CPPED1: variants seen among roughly 807,000 people sequenced by gnomAD.
The protein encoded by CPPED1 is calcineurin like phosphoesterase domain containing 1.
Under a neutral mutation model 28.0 loss-of-function variants are expected in CPPED1, and 28 were observed. The ratio of observed to expected loss-of-function variants is 1.00; its 90% CI spans 0.74 to 1.37. The LOEUF (loss-of-function observed/expected upper bound fraction) is 1.37, where lower values mean the gene tolerates loss of function less well. Among genes scored for constraint, CPPED1 ranks in the 40% most tolerant of loss-of-function variants. The probability of loss-of-function intolerance (pLI) is 0.00; values close to 1 mark genes in which losing one functional copy is unlikely to be tolerated. For synonymous variants in CPPED1, 198 were observed against 180.2 expected (o/e 1.10, Z -0.79); for missense variants, 504 against 416.5 (o/e 1.21, Z -1.83).
intron 2 of CPPED1, among the ~76,000 whole-genome samples, chr16:12,717,964 A>G (rs959964969): frequency 1.3e-5 from 2 of 152,102 alleles, no homozygotes; most frequent in African/African-American, 4.8e-5. Context: ...TTTCTTATCA[A>G]ATTTACCCTT....
intron 2 of CPPED1, among the ~76,000 whole-genome samples, chr16:12,772,104 C>T (rs189338074): frequency 8.2e-4 from 124 of 152,052 alleles, no homozygotes; most frequent in African/African-American, 2.9e-3. Flanking sequence ...GCCTGGGCAA[C>T]AGAACAAGAC....
At chr16:12,786,505 C>G (rs1263362834) in intron 1 of CPPED1, among the ~76,000 whole-genome samples, 1 of 152,142 alleles carries the variant, frequency 6.6e-6, no homozygotes, top group East Asian at 1.9e-4. Flanking sequence ...TGTTAGGTCT[C>G]TGCCTATGTA....
chr16:12,714,099 CTA>C (rs2080094097), intron 2 of CPPED1, among the ~76,000 whole-genome samples: 1 of 152,130 alleles, frequency 6.6e-6, no homozygotes. Context: ...ATTTTGTAGC[CTA>C]TGTTAGTGCT....
intron 2 of CPPED1, among the ~76,000 whole-genome samples, chr16:12,731,014 G>C (rs1405213031): frequency 6.6e-6 from 1 of 152,134 alleles, no homozygotes; most frequent in Non-Finnish European, 1.5e-5. Flanking sequence ...CACCCTGGCA[G>C]AAGATGGGAC....
At chr16:12,671,141 G>A (rs992327360) in intron 3 of CPPED1, among the ~76,000 whole-genome samples, 4 of 152,160 alleles carry the variant, frequency 2.6e-5, no homozygotes, top group Non-Finnish European at 5.9e-5. Flanking sequence ...GTGAGCCATC[G>A]CGTCTGGCTG....
At chr16:12,679,638 A>T (rs377599470) in intron 3 of CPPED1, among the ~76,000 whole-genome samples, 22 of 152,236 alleles carry the variant, frequency 1.4e-4, no homozygotes, top group African/African-American at 5.1e-4. Flanking sequence ...TCGACAATGT[A>T]TCTTTTACTT....
chr16:12,786,845 G>A (rs2080566453), intron 1 of CPPED1, among the ~76,000 whole-genome samples: 1 of 152,196 alleles, frequency 6.6e-6, no homozygotes, highest in Non-Finnish European at 1.5e-5. Flanking sequence ...CTGGGAGGTG[G>A]AGGTTGCAGT....
At position 12,722,824 on chromosome 16, in the gene CPPED1, C is replaced by T. The variant is rs566429480; in HGVS notation, c.290-17775G>A. Among the ~76,000 whole-genome samples the T allele has an allele frequency of 3.9e-5, 6 of 152,284 alleles. No individual in the cohort carries two copies. The South Asian group carries it at 8.3e-4, about 21-fold the overall frequency. On this transcript the variant is annotated intron_variant, in intron 2 of 3. Transcript: ENST00000381774. Reference sequence around the variant, plus strand: ...GGGATTCTAGCCACTGGCTTTCCCACGGACCCCAAGGCTGGGTGGTGCAGT... The same window carrying T: ...GGGATTCTAGCCACTGGCTTTCCCATGGACCCCAAGGCTGGGTGGTGCAGT...
At position 12,664,969 on chromosome 16, in the gene CPPED1, T is replaced by C. The variant is rs778672073; in HGVS notation, c.862A>G (p.Ile288Val). ...LRVVVVTAEK[I>V]VHRYYSLDEL... ...TCTAGACTGTAGTATCGGTGAACAA[T>C]TTTCTCGGCGGTGACCACCACGACT... The change falls in exon 4 of 4, where the codon ATT (isoleucine) becomes GTT (valine). Residue 288 changes from isoleucine to valine, a missense_variant. Physicochemically the swap from Ile to Val is conservative, Grantham distance 29 (BLOSUM62 3). Transcript: ENST00000381774. This position sits in a 1 kb window ranked among gnomAD's most constrained non-coding sequence, Gnocchi z 4.2. The C allele has an allele frequency of 2.5e-6, 4 of 1,611,272 alleles. No individual in the cohort carries two copies. In the East Asian group the frequency reaches 8.9e-5, roughly 36 times the overall value.
intron 3 of CPPED1, among the ~76,000 whole-genome samples, chr16:12,679,544 G>T (rs1247977225): frequency 6.6e-6 from 1 of 152,088 alleles, no homozygotes; most frequent in Non-Finnish European, 1.5e-5. Context: ...GTTAGATATA[G>T]ATCTAAAGAA....
chr16:12,724,918 C>T (rs949311293), intron 2 of CPPED1, among the ~76,000 whole-genome samples: 1 of 151,988 alleles, frequency 6.6e-6, no homozygotes, highest in Non-Finnish European at 1.5e-5. Flanking sequence ...TCCCGAGTAG[C>T]TGGGACTACA....
At chr16:12,693,201 C>T (rs1567277717) in intron 3 of CPPED1, among the ~76,000 whole-genome samples, 1 of 152,102 alleles carries the variant, frequency 6.6e-6, no homozygotes, top group Non-Finnish European at 1.5e-5. Flanking sequence ...GGAGGCTTCA[C>T]CTAAATGAGT....
chr16:12,700,137 C>T (rs984398218), intron 3 of CPPED1, among the ~76,000 whole-genome samples: 9 of 152,172 alleles, frequency 5.9e-5, no homozygotes, highest in African/African-American at 1.2e-4. Flanking sequence ...TGGCAGGCCA[C>T]GGAAACTGAC....
chr16:12,686,429 G>A (rs185006255), intron 3 of CPPED1, among the ~76,000 whole-genome samples: 3 of 152,254 alleles, frequency 2.0e-5, no homozygotes, highest in African/African-American at 7.2e-5. Context: ...AAATAACAGA[G>A]TTCCCCTGCT....
At chr16:12,731,243 C>A (rs1455726524) in intron 2 of CPPED1, among the ~76,000 whole-genome samples, 1 of 151,414 alleles carries the variant, frequency 6.6e-6, no homozygotes, top group Non-Finnish European at 1.5e-5. Flanking sequence ...AAGCTCCACC[C>A]CCCGGGTTCA....
intron 3 of CPPED1, among the ~76,000 whole-genome samples, chr16:12,666,353 G>C (rs773509088): frequency 2.6e-5 from 4 of 152,140 alleles, no homozygotes; most frequent in Admixed American, 1.3e-4. Context: ...GCTCTTAGAA[G>C]ATCATAGAGA....
At chr16:12,732,311 G>A (rs1250323086) in intron 2 of CPPED1, among the ~76,000 whole-genome samples, 1 of 150,478 alleles carries the variant, frequency 6.6e-6, no homozygotes, top group African/African-American at 2.4e-5. Context: ...AGAAGATAAG[G>A]TGAGGAATCA....
chr16:12,765,179 C>G (rs773120579), intron 2 of CPPED1, among the ~76,000 whole-genome samples: 1 of 152,238 alleles, frequency 6.6e-6, no homozygotes, highest in Non-Finnish European at 1.5e-5. Flanking sequence ...TGTTCATTAT[C>G]TCTTCCTAAT....
chr16:12,741,662 T>G (rs776502429), intron 2 of CPPED1, among the ~76,000 whole-genome samples: 21 of 152,198 alleles, frequency 1.4e-4, no homozygotes, highest in Non-Finnish European at 2.5e-4. Flanking sequence ...GGCTCACAGT[T>G]AACTGCGCTA....
Sources: gnomAD v4.1 joint callset for allele counts (sites outside exome capture counted in the v4.1 genomes callset) on GRCh38, gnomAD v4.1.1 for gene constraint, Gnocchi (gnomAD v3.1) non-coding constraint, MANE v1.5 for transcripts, NCBI Gene and HGNC (gene_info 2026-07-23, HGNC 2026-07-21) for gene names.